Variants in PTPRD observed in about 807,000 individuals in gnomAD.
PTPRD encodes receptor-type tyrosine-protein phosphatase delta.
In PTPRD, 34 loss-of-function variants were observed where a neutral mutation model predicts 214.5. The observed-to-expected ratio is 0.16, with a 90% CI of 0.12 to 0.21. The LOEUF (loss-of-function observed/expected upper bound fraction) is 0.21. Ranked by LOEUF, PTPRD falls within the 10% of genes least tolerant of loss-of-function variation. PTPRD has a pLI of 1.00. For missense variants in PTPRD, 2,545 were observed against 2,398.7 expected, an observed-to-expected ratio of 1.06 and a Z score of -1.27; for synonymous variants, 1,128 against 845.7, an observed-to-expected ratio of 1.33 and a Z score of -5.79.
chr9:9,829,230 A>G (rs571687325), intron 5 of PTPRD, among the ~76,000 whole-genome samples: 5 of 151,910 alleles, frequency 3.3e-5, no homozygotes, highest in African/African-American at 1.2e-4. Context: ...CATGTATAAC[A>G]TAAGAATACC....
chr9:9,233,746 C>T (rs1038237074), intron 9 of PTPRD, among the ~76,000 whole-genome samples: 1 of 152,228 alleles, frequency 6.6e-6, no homozygotes, highest in Non-Finnish European at 1.5e-5. Flanking sequence ...ATAGGGAAGT[C>T]ATTAAACCTT....
chr9:9,636,831 T>C (rs1297424127), intron 7 of PTPRD, among the ~76,000 whole-genome samples: 1 of 152,212 alleles, frequency 6.6e-6, no homozygotes, highest in Non-Finnish European at 1.5e-5. Context: ...TAAACATAAA[T>C]TTGTTTCTCA....
At chr9:10,449,192 G>T (rs926475347) in intron 2 of PTPRD, among the ~76,000 whole-genome samples, 6 of 151,904 alleles carry the variant, frequency 3.9e-5, no homozygotes, top group Non-Finnish European at 7.4e-5. Context: ...GGCGGGTGCC[G>T]CCACGCCTGA....
intron 34 of PTPRD, among the ~76,000 whole-genome samples, chr9:8,441,427 C>T (rs963440570): frequency 6.6e-6 from 1 of 152,022 alleles, no homozygotes; most frequent in Non-Finnish European, 1.5e-5. Flanking sequence ...ACTCAAAATC[C>T]AGAGTATCGT....
chr9:10,066,717 G>A (rs2097892718), intron 3 of PTPRD, among the ~76,000 whole-genome samples: 1 of 151,886 alleles, frequency 6.6e-6, no homozygotes, highest in African/African-American at 2.4e-5. Flanking sequence ...GAGATACTCA[G>A]AGCAGTACAC....
At chr9:9,206,542 G>C (rs1416192179) in intron 9 of PTPRD, among the ~76,000 whole-genome samples, 1 of 152,156 alleles carries the variant, frequency 6.6e-6, no homozygotes, top group Non-Finnish European at 1.5e-5. Context: ...ATGTGAGTCA[G>C]TGGACTAGGA....
At chr9:8,664,050 T>C (rs1487132659) in intron 12 of PTPRD, among the ~76,000 whole-genome samples, 1 of 152,192 alleles carries the variant, frequency 6.6e-6, no homozygotes, top group African/African-American at 2.4e-5. Context: ...CTCTACCATG[T>C]CGAGAGGATA....
intron 10 of PTPRD, among the ~76,000 whole-genome samples, chr9:9,033,169 C>T (rs1434147924): frequency 6.6e-6 from 1 of 152,142 alleles, no homozygotes; most frequent in African/African-American, 2.4e-5. Context: ...AGTCCATAGA[C>T]ATGACACATA....
chr9:8,989,527 T>C (rs995734671), intron 11 of PTPRD, among the ~76,000 whole-genome samples: 16 of 152,104 alleles, frequency 1.1e-4, no homozygotes, highest in Non-Finnish European at 2.1e-4. Context: ...TTCCTGGAAA[T>C]GACAAGATTT....
rs933721079 is a variant in PTPRD at position 8,476,590 on chromosome 9, A to AT, written c.3414-5506dup. ...TATTTTCTAAGTGAAATCTTCTCTGATTTTTTTTAAACCTATTACCCCCAT... is the reference window on the plus strand; with the variant it reads ...TATTTTCTAAGTGAAATCTTCTCTGATTTTTTTTTAAACCTATTACCCCCAT... On this transcript the variant is annotated intron_variant, in intron 30 of 45. Coordinates refer to ENST00000381196, the MANE Select transcript of PTPRD (RefSeq NM_002839.4). Among the ~76,000 whole-genome samples the AT allele has an allele frequency of 4.6e-5, 7 of 152,112 alleles. No homozygotes were observed. In the South Asian group the frequency reaches 1.2e-3, roughly 27 times the overall value.
intron 4 of PTPRD, among the ~76,000 whole-genome samples, chr9:10,014,388 A>T (rs1344801427): frequency 6.6e-6 from 1 of 151,982 alleles, no homozygotes; most frequent in Non-Finnish European, 1.5e-5. Context: ...ACATTTTATT[A>T]TGTAGACTGT....
At chr9:8,478,656 T>C (rs1274569846) in intron 30 of PTPRD, among the ~76,000 whole-genome samples, 2 of 152,184 alleles carry the variant, frequency 1.3e-5, no homozygotes, top group Non-Finnish European at 2.9e-5. Context: ...TCCCCAAATC[T>C]ACTTAAATAG....
At chr9:8,319,118 A>G (rs1587272588) in intron 45 of PTPRD, among the ~76,000 whole-genome samples, 1 of 152,100 alleles carries the variant, frequency 6.6e-6, no homozygotes, top group African/African-American at 2.4e-5. Flanking sequence ...TTGCAAGCCA[A>G]ACACTTGCAC....
chr9:10,101,793 A>G (rs1357336823), intron 3 of PTPRD, among the ~76,000 whole-genome samples: 5 of 151,730 alleles, frequency 3.3e-5, no homozygotes, highest in African/African-American at 1.2e-4. Flanking sequence ...CATAAATCCT[A>G]GCCACAGCTG....
chr9:8,836,493 A>G (rs1163363314), intron 11 of PTPRD, among the ~76,000 whole-genome samples: 1 of 151,968 alleles, frequency 6.6e-6, no homozygotes, highest in East Asian at 1.9e-4. Flanking sequence ...ATCCATCCTA[A>G]CAAAAAATAG....
chr9:9,138,954 A>T (rs949282068), intron 10 of PTPRD, among the ~76,000 whole-genome samples: 10 of 152,298 alleles, frequency 6.6e-5, no homozygotes. Flanking sequence ...AATAACAATA[A>T]TAGTTACAGT....
chr9:10,235,827 TA>T (rs1450750839), intron 3 of PTPRD, among the ~76,000 whole-genome samples: 5 of 152,028 alleles, frequency 3.3e-5, no homozygotes, highest in African/African-American at 1.2e-4. Context: ...TAGGACCACT[TA>T]AAACATAACT....
chr9:8,382,143 T>C (rs2085298939), intron 37 of PTPRD, among the ~76,000 whole-genome samples: 1 of 152,214 alleles, frequency 6.6e-6, no homozygotes, highest in African/African-American at 2.4e-5. Context: ...AATAAAAATA[T>C]AATTTATAGG....
At chr9:8,988,256 T>C (rs1040822219) in intron 11 of PTPRD, among the ~76,000 whole-genome samples, 1 of 152,094 alleles carries the variant, frequency 6.6e-6, no homozygotes, top group Non-Finnish European at 1.5e-5. Flanking sequence ...CAATTTCAGG[T>C]CATTTAATAT....
Sources: gnomAD v4.1 joint callset for allele counts (sites outside exome capture counted in the v4.1 genomes callset) on GRCh38, gnomAD v4.1.1 for gene constraint, MANE v1.5 for transcripts, NCBI Gene and HGNC (gene_info 2026-07-23, HGNC 2026-07-21) for gene names.